The following MGAT4C variants were observed in gnomAD, a reference collection of about 807,000 sequenced individuals.
MGAT4C encodes MGAT4 family member C.
Under a neutral mutation model 40.1 loss-of-function variants are expected in MGAT4C, and 19 were observed. The ratio of observed to expected loss-of-function variants is 0.47; its 90% CI spans 0.33 to 0.70. The LOEUF (loss-of-function observed/expected upper bound fraction) is 0.70, where lower values mean the gene tolerates loss of function less well. Among genes scored for constraint, MGAT4C ranks in the 30% least tolerant of loss-of-function variants. MGAT4C has a pLI of 0.02. For missense variants in MGAT4C, 491 were observed against 563.2 expected (o/e 0.87, Z 1.30); for synonymous variants, 181 against 187.1 (o/e 0.97, Z 0.27).
chr12:86,424,763 T>C (rs772117497), intron 3 of MGAT4C, among the ~76,000 whole-genome samples: 3 of 152,150 alleles, frequency 2.0e-5, no homozygotes, highest in Non-Finnish European at 4.4e-5. Context: ...AAAATATATA[T>C]ACATACATAT....
At chr12:86,043,516 T>A (rs1892080918) in intron 2 of MGAT4C, among the ~76,000 whole-genome samples, 2 of 152,208 alleles carry the variant, frequency 1.3e-5, no homozygotes, top group African/African-American at 4.8e-5. Context: ...TTCTACCTGC[T>A]TTTATTCTAG....
chr12:86,671,754 C>A (rs1390993962), intron 2 of MGAT4C, among the ~76,000 whole-genome samples: 1 of 151,792 alleles, frequency 6.6e-6, no homozygotes, highest in Admixed American at 6.6e-5. Flanking sequence ...GAGGATGTGA[C>A]AATTGTAAAT....
intron 1 of MGAT4C, among the ~76,000 whole-genome samples, chr12:86,140,243 C>T (rs1254041329): frequency 6.6e-6 from 1 of 152,138 alleles, no homozygotes; most frequent in Non-Finnish European, 1.5e-5. Flanking sequence ...AATTGATTAA[C>T]TCCCCTCATA....
intron 2 of MGAT4C, among the ~76,000 whole-genome samples, chr12:86,458,674 GA>G (rs1413251110): frequency 6.6e-6 from 1 of 152,182 alleles, no homozygotes; most frequent in Non-Finnish European, 1.5e-5. Flanking sequence ...CACATGGAAT[GA>G]ATATCACAGT....
intron 1 of MGAT4C, among the ~76,000 whole-genome samples, chr12:86,184,738 TAAAAAAAAAA>T (rs34098097): frequency 2.3e-5 from 2 of 86,910 alleles, no homozygotes; most frequent in Non-Finnish European, 4.3e-5. Context: ...TTTCTCCTGT[TAAAAAAAAAA>T]AAAAAAAAAA....
chr12:86,277,935 G>A (rs1953116494), intron 4 of MGAT4C, among the ~76,000 whole-genome samples: 1 of 152,058 alleles, frequency 6.6e-6, no homozygotes, highest in African/African-American at 2.4e-5. Flanking sequence ...ATTTAAGCAT[G>A]TCATTGGCAT....
chr12:86,220,141 T>C (rs1353836127), intron 1 of MGAT4C, among the ~76,000 whole-genome samples: 1 of 152,076 alleles, frequency 6.6e-6, no homozygotes, highest in African/African-American at 2.4e-5. Flanking sequence ...CTCCAGAACC[T>C]TGGGACTGTA....
chr12:86,584,400 T>A (rs1231807358), intron 2 of MGAT4C, among the ~76,000 whole-genome samples: 1 of 151,032 alleles, frequency 6.6e-6, no homozygotes, highest in East Asian at 1.9e-4. Flanking sequence ...ATTCTTCCTG[T>A]GAAGTTAATT....
intron 1 of MGAT4C, among the ~76,000 whole-genome samples, chr12:86,736,247 A>G (rs984802710): frequency 5.3e-5 from 8 of 151,820 alleles, no homozygotes; most frequent in Non-Finnish European, 1.2e-4. Flanking sequence ...CTTACTAACA[A>G]TTACTATTAT....
intron 2 of MGAT4C, among the ~76,000 whole-genome samples, chr12:86,581,329 C>T (rs771991890): frequency 4.0e-5 from 6 of 151,258 alleles, no homozygotes; most frequent in Non-Finnish European, 5.9e-5. Context: ...TATTAAAGTC[C>T]GAAAAAGACA....
intron 2 of MGAT4C, among the ~76,000 whole-genome samples, chr12:86,027,789 T>G (rs1416341111): frequency 1.3e-5 from 2 of 151,998 alleles, no homozygotes; most frequent in Non-Finnish European, 2.9e-5. Flanking sequence ...TAGCTTTTAC[T>G]ATAATGTTCC....
intron 3 of MGAT4C, among the ~76,000 whole-genome samples, chr12:86,404,032 C>T (rs113052073): frequency 1.3e-5 from 2 of 151,900 alleles, no homozygotes; most frequent in Admixed American, 1.3e-4. Context: ...ACATTAAAAC[C>T]TTTCACTGGT....
chr12:86,670,041 GA>G (rs1964214008), intron 2 of MGAT4C, among the ~76,000 whole-genome samples: 1 of 145,896 alleles, frequency 6.9e-6, no homozygotes, highest in Non-Finnish European at 1.5e-5. Context: ...AATTATTGGG[GA>G]AAAAAGAAAA....
At chr12:86,043,132 G>C (rs1396727491) in intron 2 of MGAT4C, among the ~76,000 whole-genome samples, 1 of 152,122 alleles carries the variant, frequency 6.6e-6, no homozygotes, top group East Asian at 1.9e-4. Context: ...CTCTAGTGAA[G>C]TTGGGGAAAT....
intron 1 of MGAT4C, among the ~76,000 whole-genome samples, chr12:86,207,704 T>G (rs1950312511): frequency 6.6e-6 from 1 of 152,160 alleles, no homozygotes; most frequent in Admixed American, 6.5e-5. Flanking sequence ...CTGCAATAAC[T>G]TATGTAGGTA....
intron 1 of MGAT4C, among the ~76,000 whole-genome samples, chr12:86,825,479 A>G (rs1036985891): frequency 1.3e-5 from 2 of 151,338 alleles, no homozygotes; most frequent in African/African-American, 4.8e-5. Flanking sequence ...TATTTAGGCC[A>G]AAACTATTAA....
chr12:86,799,947 G>A (rs1952196780), intron 1 of MGAT4C, among the ~76,000 whole-genome samples: 1 of 151,854 alleles, frequency 6.6e-6, no homozygotes, highest in African/African-American at 2.4e-5. Flanking sequence ...ATGTTAGGCA[G>A]ATGCATTGAG....
intron 1 of MGAT4C, among the ~76,000 whole-genome samples, chr12:86,247,923 C>G (rs1952101249): frequency 6.6e-6 from 1 of 152,088 alleles, no homozygotes; most frequent in Non-Finnish European, 1.5e-5. Context: ...ATTTGTATTT[C>G]CTGCATAGAG....
intron 1 of MGAT4C, among the ~76,000 whole-genome samples, chr12:86,088,959 G>A (rs890833596): frequency 4.6e-5 from 7 of 151,744 alleles, no homozygotes; most frequent in African/African-American, 1.7e-4. Flanking sequence ...TTATTTCATC[G>A]AGGTGCACTT....
Sources: allele counts gnomAD v4.1 joint callset (sites outside exome capture counted in the v4.1 genomes callset), GRCh38; gene constraint gnomAD v4.1.1; transcripts MANE v1.5; gene names NCBI Gene and HGNC (gene_info 2026-07-23, HGNC 2026-07-21).